Variants in B4GALNT3 observed in about 807,000 individuals in gnomAD.
B4GALNT3 encodes beta-1,4-N-acetyl-galactosaminyltransferase 3.
A neutral mutation model predicts 120.2 loss-of-function variants in B4GALNT3; 86 were observed. The observed-to-expected ratio is 0.72, with a 90% CI of 0.60 to 0.86. The LOEUF is 0.86. Ranked by LOEUF, B4GALNT3 falls within the 40% of genes least tolerant of loss-of-function variation. B4GALNT3 has a pLI of 0.00. For missense variants in B4GALNT3, 1,167 were observed against 1,298.9 expected, an observed-to-expected ratio of 0.90 and a Z score of 1.56; for synonymous variants, 518 against 510.4, an observed-to-expected ratio of 1.01 and a Z score of -0.20.
chr12:529,368 T>C (rs1230258245), intron 1 of B4GALNT3, among the ~76,000 whole-genome samples: 2 of 152,198 alleles, frequency 1.3e-5, no homozygotes, highest in Non-Finnish European at 2.9e-5. Flanking sequence ...GTCTACCCCC[T>C]TGTGATGGAC....
At position 553,483 on chromosome 12, in the gene B4GALNT3, T is replaced by C. The variant is rs1271138169; in HGVS notation, c.1560T>C (p.Pro520=). 2 of 1,614,048 alleles carry C rather than the reference T, an allele frequency of 1.2e-6. No individual in the cohort carries two copies. Reference sequence around the variant, plus strand: ...AGAAGAGGAAGCAAAAACCCAGCCCTGAGCCCAGCCAAGATTCACCTCATT... The same window carrying C: ...AGAAGAGGAAGCAAAAACCCAGCCCCGAGCCCAGCCAAGATTCACCTCATT... ...QPEKRKQKPS[P]EPSQDSPHSD... is the part of the protein sequence containing the mutation. The change falls in exon 14 of 20, where the codon CCT becomes CCC. Residue 520 remains proline, a synonymous_variant. Coordinates refer to ENST00000266383, the MANE Select transcript of B4GALNT3 (RefSeq NM_173593.4).
At chr12:461,917 C>T (rs114437462) in intron 1 of B4GALNT3, among the ~76,000 whole-genome samples, 4,727 of 152,206 alleles carry the variant, frequency 0.031, 96 homozygotes, top group South Asian at 0.065. Flanking sequence ...GCCTTTGGTC[C>T]AAATGATCTC....
At chr12:543,366 A>ATG (rs1946943060) in intron 3 of B4GALNT3, among the ~76,000 whole-genome samples, 26 of 76,930 alleles carry the variant, frequency 3.4e-4, no homozygotes, top group South Asian at 4.5e-4. Context: ...GAGCTGGGGC[A>ATG]GGCATGGGGT....
At chr12:501,490 A>T (rs1424215475) in intron 1 of B4GALNT3, among the ~76,000 whole-genome samples, 1 of 152,094 alleles carries the variant, frequency 6.6e-6, no homozygotes. Flanking sequence ...CTGAGGAGGG[A>T]AGATCACTTG....
At chr12:546,908 CCCAG>C (rs1362962050) in intron 7 of B4GALNT3, 195 bp downstream of exon 7, 1 of 601,692 alleles carries the variant, frequency 1.7e-6, no homozygotes, top group Non-Finnish European at 3.0e-6. Flanking sequence ...GAAACTGAGG[CCCAG>C]AAGGCCGTGA....
At chr12:557,415 C>T (rs1196136178) in intron 15 of B4GALNT3, among the ~76,000 whole-genome samples, 193 bp from the exon 16 acceptor site, 1 of 152,134 alleles carries the variant, frequency 6.6e-6, no homozygotes, top group Non-Finnish European at 1.5e-5. Flanking sequence ...GCAGAGGCCC[C>T]CTTAACTGGT....
chr12:557,283 A>C (rs1947168525), intron 15 of B4GALNT3, among the ~76,000 whole-genome samples: 1 of 152,192 alleles, frequency 6.6e-6, no homozygotes, highest in African/African-American at 2.4e-5. Context: ...GGACGACGAT[A>C]CTAAGAGGGA....
chr12:512,110 T>TCCAC (rs1216757680), intron 1 of B4GALNT3, among the ~76,000 whole-genome samples: 1 of 104,800 alleles, frequency 9.5e-6, no homozygotes, highest in Admixed American at 9.6e-5. Flanking sequence ...CCTTCCACCT[T>TCCAC]CTTCCACCTT....
At chr12:522,013 C>T (rs1946715320) in intron 1 of B4GALNT3, among the ~76,000 whole-genome samples, 1 of 151,408 alleles carries the variant, frequency 6.6e-6, no homozygotes, top group Non-Finnish European at 1.5e-5. Flanking sequence ...CCCAACCTGA[C>T]TCTACTCACC....
Position 460,158 on chromosome 12 carries a change from T to G in B4GALNT3, c.-219T>G, listed in dbSNP as rs1277284495. Among the ~76,000 whole-genome samples, 1 of 150,302 alleles carries G rather than the reference T, an allele frequency of 6.7e-6. No homozygotes were observed. The highest frequency in any genetic ancestry group is 2.4e-5 in the African/African-American group (1 of 41,098). On this transcript the variant is annotated 5_prime_UTR_variant, in exon 1 of 20. Transcript: ENST00000266383. This position sits in a 1 kb window ranked among gnomAD's most constrained non-coding sequence, Gnocchi z 8.0. ...GCGCGGAGGAGGAGCCGGGCTCGGC[T>G]CCCGGAGAGACCTGCTGGGCGCCCG...
rs974567809 is a variant in B4GALNT3 at position 542,988 on chromosome 12, G to A, written c.352-1351G>A. The A allele has an allele frequency of 5.1e-6, 3 of 583,830 alleles. No homozygotes were observed. The Admixed American group carries it at 8.2e-5, about 16-fold the overall frequency. The allele number at this position is 583,830 out of a possible 1,614,324, so 36.2% of individuals were successfully genotyped here. ...TCCTCTCCTCAGGATCAGGGATGGG[G>A]AGGGGAGGAGAGCAAGTCTTTCCTG... On this transcript the variant is annotated intron_variant, in intron 3 of 19. Coordinates refer to ENST00000266383, the MANE Select transcript of B4GALNT3 (RefSeq NM_173593.4).
chr12:487,733 AAAG>A (rs1424232747), intron 1 of B4GALNT3, among the ~76,000 whole-genome samples: 1 of 152,024 alleles, frequency 6.6e-6, no homozygotes, highest in East Asian at 1.9e-4. Flanking sequence ...AAAAGAAAGA[AAAG>A]AAGAAGAAGA....
chr12:523,083 T>C (rs1215779186), intron 1 of B4GALNT3, among the ~76,000 whole-genome samples: 1 of 152,202 alleles, frequency 6.6e-6, no homozygotes, highest in Admixed American at 6.5e-5. Context: ...CGAGGCACCT[T>C]TGGACTGTGC....
rs1946007602 is a variant in B4GALNT3 at position 460,358 on chromosome 12, G to C, written c.-19G>C. ...GGGGTTGGAGCCCGCGCTGGCGGCG[G>C]CCGCCTCGGCGCAGCGCCATGGGGA... On this transcript the variant is annotated 5_prime_UTR_variant, in exon 1 of 20. Coordinates refer to ENST00000266383, the MANE Select transcript of B4GALNT3 (RefSeq NM_173593.4). This position sits in a 1 kb window ranked among gnomAD's most constrained non-coding sequence, Gnocchi z 8.0. The C allele has an allele frequency of 8.7e-7, 1 of 1,144,712 alleles. No homozygotes were observed. The highest frequency in any genetic ancestry group is 1.1e-6 in the Non-Finnish European group (1 of 933,132). The allele number at this position is 1,144,712 out of a possible 1,614,324, so 70.9% of individuals were successfully genotyped here.
intron 14 of B4GALNT3, among the ~76,000 whole-genome samples, chr12:554,730 C>T (rs1174441693): frequency 2.5e-5 from 3 of 119,196 alleles, no homozygotes; most frequent in African/African-American, 1.0e-4. Flanking sequence ...GCGGAGCTTG[C>T]AGTGAGCTGA....
chr12:533,793 T>G (rs1416479211), intron 1 of B4GALNT3, among the ~76,000 whole-genome samples: 2 of 152,112 alleles, frequency 1.3e-5, no homozygotes, highest in East Asian at 3.8e-4. Context: ...AGCATAATCA[T>G]GTAAGAAAAG....
chr12:528,475 C>G (rs889461290), intron 1 of B4GALNT3, among the ~76,000 whole-genome samples: 3 of 152,204 alleles, frequency 2.0e-5, no homozygotes, highest in Non-Finnish European at 2.9e-5. Flanking sequence ...ATGCCTAACA[C>G]GTAAGTGTTA....
intron 1 of B4GALNT3, among the ~76,000 whole-genome samples, chr12:470,424 C>T (rs1168753834): frequency 6.6e-6 from 1 of 152,278 alleles, no homozygotes; most frequent in Non-Finnish European, 1.5e-5. Flanking sequence ...ACACCTCCCT[C>T]ACCAGCCAGC....
At chr12:554,903 C>T (rs559987259) in intron 14 of B4GALNT3, among the ~76,000 whole-genome samples, 10 of 150,924 alleles carry the variant, frequency 6.6e-5, no homozygotes, top group African/African-American at 2.2e-4. Flanking sequence ...ACTGGCCAGA[C>T]GCAGTGGCTC....
Sources: gnomAD v4.1 joint callset for allele counts (sites outside exome capture counted in the v4.1 genomes callset) on GRCh38, gnomAD v4.1.1 for gene constraint, Gnocchi (gnomAD v3.1) non-coding constraint, MANE v1.5 for transcripts, NCBI Gene and HGNC (gene_info 2026-07-23, HGNC 2026-07-21) for gene names.